The following AOX1 variants were observed in gnomAD, a reference collection of about 807,000 sequenced individuals.
AOX1 encodes aldehyde oxidase.
In AOX1, 153 loss-of-function variants were observed where a neutral mutation model predicts 169.5. That is an observed-to-expected ratio of 0.90 (90% CI 0.79 to 1.03). The LOEUF is 1.03. AOX1 is among the 50% of genes least tolerant of loss of function. AOX1 has a pLI of 0.00. For synonymous variants in AOX1, 562 were observed against 581.9 expected (o/e 0.97, Z 0.49); for missense variants, 1,656 against 1,663.9 (o/e 1.00, Z 0.08).
At chr2:200,636,772 C>T in intron 21 of AOX1, 139 bp from the exon 22 acceptor site, 2 of 962,994 alleles carry the variant, frequency 2.1e-6, no homozygotes, top group South Asian at 3.5e-5. Flanking sequence ...AGAATCAAAA[C>T]ATCTAGTGAC....
At chr2:200,657,008 A>G (rs4674302) in intron 27 of AOX1, 71 bp downstream of exon 27, 287,583 of 1,033,296 alleles carry the variant, frequency 0.28, 43,168 homozygotes, top group East Asian at 0.54. Flanking sequence ...AAAACTATGA[A>G]TGGATATTTT....
intron 33 of AOX1, 27 bp from the exon 34 acceptor site, chr2:200,669,548 A>C (rs2035987537): frequency 6.2e-7 from 1 of 1,612,726 alleles, no homozygotes; most frequent in Non-Finnish European, 8.5e-7. Context: ...AGAGAGGTAT[A>C]ATCTAGTTGG....
chr2:200,640,009 C>G (rs78108343), intron 23 of AOX1, among the ~76,000 whole-genome samples: 3 of 149,110 alleles, frequency 2.0e-5, no homozygotes, highest in Non-Finnish European at 3.0e-5. Context: ...TGCACTCCAG[C>G]CCGGGTGACA....
rs750970635 is a variant in AOX1, at chr2:200,656,893, G to A, written c.3127G>A (p.Gly1043Ser). ...TGATGGCTCTGTGCTGGTCACTCAC[G>A]GTGGAATTGAAATGGGGCAGGGGGT... Reference protein sequence around the residue: ...YLDGSVLVTHGGIEMGQGVHT... With the variant: ...YLDGSVLVTHSGIEMGQGVHT... The change falls in exon 27 of 35, where the codon GGT (glycine) becomes AGT (serine). Residue 1043 changes from glycine (G) to serine (S), a missense_variant. By Grantham distance (56) the Gly-to-Ser change is moderately conservative (BLOSUM62 0). Transcript: ENST00000374700. The A allele has an allele frequency of 1.5e-5, 24 of 1,583,824 alleles. No homozygotes were observed. Among genetic ancestry groups the A allele is most frequent in the African/African-American group, 5.4e-5 (4 of 73,708 alleles).
In AOX1 at chr2:200,668,643, G is replaced by C. The variant is rs368816835; in HGVS notation, c.3638G>C (p.Gly1213Ala). 1 of 1,612,464 alleles carries C rather than the reference G, an allele frequency of 6.2e-7. No individual in the cohort carries two copies. The highest frequency in any genetic ancestry group is 1.1e-5 in the South Asian group (1 of 90,586). ...GAAGGTGCATTTATTCAAGGCATGG[G>C]ACTTTATACAATAGAGGAACTGAAT... ...QIEGAFIQGMGLYTIEELNYS... is the reference protein window; with the variant it reads ...QIEGAFIQGMALYTIEELNYS... Residue 1213 changes from glycine (G) to alanine (A), a missense_variant, in exon 33 of 35, where the codon GGA becomes GCA. Gly to Ala is a moderately conservative substitution (Grantham distance 60). Coordinates refer to ENST00000374700, the MANE Select transcript of AOX1 (RefSeq NM_001159.4).
At chr2:200,600,625 C>A (rs180976259) in intron 5 of AOX1, among the ~76,000 whole-genome samples, 3 of 151,992 alleles carry the variant, frequency 2.0e-5, no homozygotes, top group Non-Finnish European at 4.4e-5. Flanking sequence ...AGAACATGAG[C>A]CTAAAGCTCA....
At chr2:200,678,405 C>A (rs1412116970), downstream of AOX1, 1 of 152,142 alleles carries the variant, frequency 6.6e-6, no homozygotes, top group Non-Finnish European at 1.5e-5. Context: ...GGTTGTGTTA[C>A]AATGCAAATT....
intron 9 of AOX1, 33 bp from the exon 10 acceptor site, chr2:200,605,501 GTC>G: frequency 9.0e-7 from 1 of 1,111,586 alleles, no homozygotes. Context: ...CTTTATTCTA[GTC>G]TTATTGATTT....
chr2:200,659,596 C>A (rs941004790), intron 28 of AOX1, among the ~76,000 whole-genome samples: 4 of 152,186 alleles, frequency 2.6e-5, no homozygotes, highest in African/African-American at 9.7e-5. Context: ...CTCCCCAGGG[C>A]CGATGCAGGA....
intron 6 of AOX1, 139 bp from the exon 7 acceptor site, chr2:200,603,128 G>A: frequency 1.5e-6 from 1 of 676,714 alleles, no homozygotes; most frequent in Non-Finnish European, 2.5e-6. Flanking sequence ...GTTTGGATAT[G>A]TTTAAGTACA....
Position 200,662,932 on chromosome 2 carries a change from C to A in AOX1, c.3506C>A (p.Ser1169Tyr), listed in dbSNP as rs143571444. 2.5e-6 allele frequency: 4 copies of A among 1,614,070 alleles called. No individual in the cohort carries two copies. The African/African-American group carries it at 5.3e-5, about 22-fold the overall frequency. The change falls in exon 31 of 35, where the codon TCC (serine) becomes TAC (tyrosine). Residue 1169 changes from serine to tyrosine, a missense_variant. Transcript: ENST00000374700. ...TACTTTGTTTATGGAGCTGCCTGTT[C>A]CGAGGTTGAAATAGACTGCCTGACG... ...FEYFVYGAACSEVEIDCLTGD... is the reference protein window; with the variant it reads ...FEYFVYGAACYEVEIDCLTGD...
At chr2:200,629,032 C>A (rs905405017) in intron 20 of AOX1, among the ~76,000 whole-genome samples, 4 of 152,212 alleles carry the variant, frequency 2.6e-5, no homozygotes, top group Admixed American at 2.0e-4. Context: ...CACATCCCAT[C>A]CTGAGTGCAC....
chr2:200,605,418 A>G, intron 9 of AOX1, 118 bp from the exon 10 acceptor site: 1 of 446,344 alleles, frequency 2.2e-6, no homozygotes. Flanking sequence ...AGATGAATAG[A>G]AAGATACAAT....
At chr2:200,605,852 T>C (rs1210138989) in intron 10 of AOX1, among the ~76,000 whole-genome samples, 2 of 152,218 alleles carry the variant, frequency 1.3e-5, no homozygotes, top group Non-Finnish European at 2.9e-5. Context: ...TCCTTATAAA[T>C]TTATTTAAGT....
At chr2:200,635,475 TA>T (rs2035210879) in intron 21 of AOX1, among the ~76,000 whole-genome samples, 3 of 148,336 alleles carry the variant, frequency 2.0e-5, no homozygotes, top group African/African-American at 7.3e-5. Context: ...GTGGAGAAAT[TA>T]GGAAAGAGTT....
intron 29 of AOX1, 107 bp from the exon 30 acceptor site, chr2:200,661,472 A>G (rs2035827729): frequency 4.6e-6 from 4 of 868,040 alleles, no homozygotes; most frequent in Non-Finnish European, 5.7e-6. Context: ...CCTGGTTACT[A>G]TTGCTGATAG....
At chr2:200,618,644 TA>T (rs2034818468) in intron 16 of AOX1, among the ~76,000 whole-genome samples, 1 of 152,232 alleles carries the variant, frequency 6.6e-6, no homozygotes, top group Non-Finnish European at 1.5e-5. Flanking sequence ...CTCTGATCTC[TA>T]TCTCCAGCCA....
At position 200,650,793 on chromosome 2, in the gene AOX1, T is replaced by C. The variant is rs17594160; in HGVS notation, c.2848-181T>C. On this transcript the variant is annotated intron_variant, in intron 25 of 34. Coordinates refer to ENST00000374700, the MANE Select transcript of AOX1 (RefSeq NM_001159.4). ...CATAAGTAATTGCTAGCACGTTTGA[T>C]AGAAGCTCTGAGTAGAGGAAGAGGA... is the stretch of plus-strand genomic sequence containing the variant. Among the ~76,000 whole-genome samples, 1,439 of 152,308 alleles carry C rather than the reference T, an allele frequency of 9.4e-3. 18 individuals carry two copies. Among genetic ancestry groups the C allele is most frequent in the South Asian group, 0.037 (178 of 4,830 alleles).
At chr2:200,654,108 A>G (rs1319307279) in intron 26 of AOX1, among the ~76,000 whole-genome samples, 8 of 151,934 alleles carry the variant, frequency 5.3e-5, no homozygotes, top group Admixed American at 3.9e-4. Flanking sequence ...AGTGAAAAAA[A>G]GAGTCACAAG....
Sources: allele counts gnomAD v4.1 joint callset (sites outside exome capture counted in the v4.1 genomes callset), GRCh38; gene constraint gnomAD v4.1.1; transcripts MANE v1.5; gene names NCBI Gene and HGNC (gene_info 2026-07-23, HGNC 2026-07-21).